SMAP1: variants seen among roughly 807,000 people sequenced by gnomAD.
The protein encoded by SMAP1 is small ArfGAP 1, also known as stromal membrane-associated protein 1.
A neutral mutation model predicts 58.5 loss-of-function variants in SMAP1; 24 were observed. That is an observed-to-expected ratio of 0.41 (90% CI 0.30 to 0.58). The LOEUF is 0.58. SMAP1 is among the 20% of genes least tolerant of loss of function. The pLI is 0.29. For missense variants in SMAP1, 563 were observed against 566.3 expected (o/e 0.99, Z 0.06); for synonymous variants, 216 against 196.6 (o/e 1.10, Z -0.82).
intron 6 of SMAP1, among the ~76,000 whole-genome samples, chr6:70,821,918 A>G (rs1457549589): frequency 6.6e-6 from 1 of 152,132 alleles, no homozygotes; most frequent in Non-Finnish European, 1.5e-5. Flanking sequence ...TTTTTTCTTC[A>G]TGGAATTTCT....
intron 4 of SMAP1, among the ~76,000 whole-genome samples, chr6:70,774,231 C>A (rs952915715): frequency 2.6e-5 from 4 of 152,076 alleles, no homozygotes; most frequent in Non-Finnish European, 4.4e-5. Context: ...AGAATGTATC[C>A]CAATTGTTAA....
intron 7 of SMAP1, among the ~76,000 whole-genome samples, chr6:70,840,818 G>C (rs911130404): frequency 7.2e-5 from 11 of 152,216 alleles, no homozygotes; most frequent in Admixed American, 2.0e-4. Context: ...TCTTGACTAA[G>C]TGCCAGATTG....
At chr6:70,691,576 A>G (rs1191470005) in intron 1 of SMAP1, among the ~76,000 whole-genome samples, 1 of 152,152 alleles carries the variant, frequency 6.6e-6, no homozygotes, top group African/African-American at 2.4e-5. Context: ...AAACCCATTA[A>G]CCATCTCAAT....
At chr6:70,813,705 A>G (rs1426918902) in intron 6 of SMAP1, among the ~76,000 whole-genome samples, 1 of 149,770 alleles carries the variant, frequency 6.7e-6, no homozygotes, top group African/African-American at 2.4e-5. Context: ...CTTTGGTAAT[A>G]TTTGTCTTTT....
intron 8 of SMAP1, among the ~76,000 whole-genome samples, chr6:70,856,195 A>T (rs1177387980): frequency 6.6e-6 from 1 of 152,214 alleles, no homozygotes. Context: ...ATTGTATAAT[A>T]GTGTGTGCAA....
chr6:70,740,230 T>C (rs982436085), intron 2 of SMAP1, among the ~76,000 whole-genome samples: 1 of 152,200 alleles, frequency 6.6e-6, no homozygotes, highest in Non-Finnish European at 1.5e-5. Flanking sequence ...TAACTTCACA[T>C]ACCTCCCTCT....
chr6:70,861,921 C>T lies in SMAP1; in HGVS notation c.*1587C>T, dbSNP rs372171828. Reference sequence around the variant, plus strand: ...TTCTTGCATCCCTGGCTGGGATCCACGACGCTTAAATACAGCTTTTGGATT... The same window carrying T: ...TTCTTGCATCCCTGGCTGGGATCCATGACGCTTAAATACAGCTTTTGGATT... On this transcript the variant is annotated 3_prime_UTR_variant, in exon 11 of 11. Transcript: ENST00000370455. The T allele has an allele frequency of 1.5e-5, 24 of 1,613,674 alleles. No individual in the cohort carries two copies. The highest frequency in any genetic ancestry group is 1.7e-4 in the Middle Eastern group (1 of 6,060).
chr6:70,720,112 G>T (rs1006710007), intron 1 of SMAP1, among the ~76,000 whole-genome samples: 1 of 152,164 alleles, frequency 6.6e-6, no homozygotes, highest in Admixed American at 6.5e-5. Context: ...AAAATCAAAA[G>T]CAAGGTAGTT....
intron 2 of SMAP1, among the ~76,000 whole-genome samples, chr6:70,753,017 G>T (rs1766341168): frequency 6.6e-6 from 1 of 151,312 alleles, no homozygotes; most frequent in Non-Finnish European, 1.5e-5. Context: ...TAATAGTTTG[G>T]TATAATGTAC....
chr6:70,727,761 T>C (rs1765244821), intron 1 of SMAP1, among the ~76,000 whole-genome samples: 2 of 152,164 alleles, frequency 1.3e-5, no homozygotes, highest in South Asian at 4.1e-4. Context: ...TTACCAACAT[T>C]CAAATGTAAT....
At chr6:70,720,305 C>G (rs1020743822) in intron 1 of SMAP1, among the ~76,000 whole-genome samples, 5 of 152,170 alleles carry the variant, frequency 3.3e-5, no homozygotes, top group African/African-American at 4.8e-5. Flanking sequence ...TATGCTGATT[C>G]AAGAGGTGGG....
At chr6:70,700,104 A>G (rs957804692) in intron 1 of SMAP1, among the ~76,000 whole-genome samples, 2 of 151,966 alleles carry the variant, frequency 1.3e-5, no homozygotes, top group African/African-American at 4.8e-5. Flanking sequence ...TGTTCTTGAG[A>G]TAGTGAGTGA....
At chr6:70,728,479 A>G (rs903871027) in intron 1 of SMAP1, among the ~76,000 whole-genome samples, 1 of 152,236 alleles carries the variant, frequency 6.6e-6, no homozygotes, top group African/African-American at 2.4e-5. Flanking sequence ...TCAGTTGTTC[A>G]GGAATCAAAA....
intron 2 of SMAP1, among the ~76,000 whole-genome samples, chr6:70,742,464 C>T (rs1319972563): frequency 6.6e-6 from 1 of 152,220 alleles, no homozygotes; most frequent in Non-Finnish European, 1.5e-5. Flanking sequence ...ACAAGTTCCT[C>T]ATCTCCATCT....
intron 2 of SMAP1, among the ~76,000 whole-genome samples, chr6:70,752,273 G>T (rs974070009): frequency 6.6e-6 from 1 of 152,140 alleles, no homozygotes; most frequent in African/African-American, 2.4e-5. Context: ...CTAAGAGCCT[G>T]CTGTTAGTAA....
chr6:70,688,711 A>G (rs1767033958), intron 1 of SMAP1, among the ~76,000 whole-genome samples: 1 of 152,190 alleles, frequency 6.6e-6, no homozygotes, highest in Non-Finnish European at 1.5e-5. Context: ...ATGTGCAAAT[A>G]CTTTTTCCTA....
chr6:70,708,272 C>G (rs1201531917), intron 1 of SMAP1, among the ~76,000 whole-genome samples: 1 of 152,154 alleles, frequency 6.6e-6, no homozygotes, highest in Non-Finnish European at 1.5e-5. Flanking sequence ...CCAGATTCAT[C>G]CCTGTTGTCT....
chr6:70,675,610 C>T (rs981379021), intron 1 of SMAP1, among the ~76,000 whole-genome samples: 1 of 147,854 alleles, frequency 6.8e-6, no homozygotes, highest in African/African-American at 2.5e-5. Flanking sequence ...AAGATCGTGC[C>T]ATTGCACTAT....
chr6:70,842,931 C>T (rs1431751079), intron 7 of SMAP1, among the ~76,000 whole-genome samples: 1 of 152,112 alleles, frequency 6.6e-6, no homozygotes, highest in Non-Finnish European at 1.5e-5. Context: ...AGAAAATTCC[C>T]CAGCAGGATT....
Sources: gnomAD v4.1 joint callset for allele counts (sites outside exome capture counted in the v4.1 genomes callset) on GRCh38, gnomAD v4.1.1 for gene constraint, MANE v1.5 for transcripts, NCBI Gene and HGNC (gene_info 2026-07-23, HGNC 2026-07-21) for gene names.